The following KDELR2 variants were observed in gnomAD, a reference collection of about 807,000 sequenced individuals.
The protein encoded by KDELR2 is ER lumen protein-retaining receptor 2.
Under a neutral mutation model 23.9 loss-of-function variants are expected in KDELR2, and 15 were observed. The ratio of observed to expected loss-of-function variants is 0.63; its 90% CI spans 0.42 to 0.97. The LOEUF is 0.97. Among genes scored for constraint, KDELR2 ranks in the 50% least tolerant of loss-of-function variants. KDELR2 has a pLI of 0.00. For missense variants in KDELR2, 272 were observed against 254.6 expected (o/e 1.07, Z -0.46); for synonymous variants, 119 against 106.2 (o/e 1.12, Z -0.74).
At chr7:6,470,735 C>T (rs1162132116) in intron 2 of KDELR2, among the ~76,000 whole-genome samples, 1 of 152,004 alleles carries the variant, frequency 6.6e-6, no homozygotes, top group Non-Finnish European at 1.5e-5. Context: ...TGATTTAATC[C>T]GCCACCACTA....
intron 2 of KDELR2, among the ~76,000 whole-genome samples, chr7:6,472,897 CTTTTTTTT>C (rs35369447): frequency 3.6e-5 from 4 of 111,210 alleles, no homozygotes; most frequent in African/African-American, 1.0e-4. Context: ...AGCCCCTGTT[CTTTTTTTT>C]TTTTTTTTTT....
At chr7:6,481,936 G>A (rs1484562291) in intron 1 of KDELR2, among the ~76,000 whole-genome samples, 1 of 151,974 alleles carries the variant, frequency 6.6e-6, no homozygotes, top group Non-Finnish European at 1.5e-5. Flanking sequence ...CACCTCCACA[G>A]AATGGGAACA....
intron 4 of KDELR2, among the ~76,000 whole-genome samples, chr7:6,465,347 C>T (rs568941107): frequency 3.9e-4 from 59 of 151,936 alleles, no homozygotes; most frequent in Admixed American, 2.7e-3. Flanking sequence ...CCACGCCTGG[C>T]TAAGTTTTTT....
In KDELR2 at chr7:6,466,337, G is replaced by T; in HGVS notation, c.352-14C>A. Reference sequence around the variant, plus strand: ...GGTCCAGAGGATCTGGAAGAGAAATGGCAAGCTTCCATCACGACCCACTGC... The same window carrying T: ...GGTCCAGAGGATCTGGAAGAGAAATTGCAAGCTTCCATCACGACCCACTGC... On this transcript the variant is annotated splice_polypyrimidine_tract_variant and intron_variant, in intron 3 of 4. Coordinates refer to ENST00000258739, the MANE Select transcript of KDELR2 (RefSeq NM_006854.4). 6.2e-7 allele frequency: 1 copy of T among 1,611,454 alleles called. No homozygotes were observed. Among genetic ancestry groups the T allele is most frequent in the South Asian group, 1.1e-5 (1 of 90,952 alleles).
chr7:6,465,612 C>T (rs1201685743), intron 4 of KDELR2, among the ~76,000 whole-genome samples: 1 of 151,884 alleles, frequency 6.6e-6, no homozygotes, highest in African/African-American at 2.4e-5. Context: ...TGGATTTTAA[C>T]AGCAAACCAG....
At chr7:6,469,215 G>A (rs773653558) in intron 3 of KDELR2, among the ~76,000 whole-genome samples, 33 of 151,670 alleles carry the variant, frequency 2.2e-4, no homozygotes, top group African/African-American at 6.5e-4. Context: ...GCCTCCCAAA[G>A]TGCTGGAATT....
At chr7:6,480,223 G>A (rs763720977) in intron 1 of KDELR2, among the ~76,000 whole-genome samples, 8 of 152,188 alleles carry the variant, frequency 5.3e-5, no homozygotes, top group Non-Finnish European at 8.8e-5. Flanking sequence ...ACTACTAATA[G>A]ACACAGCACT....
At chr7:6,467,846 G>C (rs1283335726) in intron 3 of KDELR2, among the ~76,000 whole-genome samples, 1 of 152,172 alleles carries the variant, frequency 6.6e-6, no homozygotes, top group African/African-American at 2.4e-5. Context: ...ATGTGAAGCA[G>C]CACCGTTTGC....
At chr7:6,477,378 G>C (rs1785776189) in intron 1 of KDELR2, among the ~76,000 whole-genome samples, 1 of 152,158 alleles carries the variant, frequency 6.6e-6, no homozygotes, top group African/African-American at 2.4e-5. Flanking sequence ...AGACAGAAGG[G>C]GGTGGGGCAA....
chr7:6,466,786 A>G (rs769707245), intron 3 of KDELR2, among the ~76,000 whole-genome samples: 6 of 151,868 alleles, frequency 4.0e-5, no homozygotes, highest in Non-Finnish European at 8.8e-5. Context: ...CCTCAGATGC[A>G]CAGTTCACAA....
chr7:6,480,096 C>G (rs1305067805), intron 1 of KDELR2, among the ~76,000 whole-genome samples: 1 of 152,128 alleles, frequency 6.6e-6, no homozygotes. Context: ...ATCTAAGCAA[C>G]AGGGGAAGGA....
chr7:6,469,824 A>T, intron 2 of KDELR2, 70 bp from the exon 3 acceptor site: 1 of 1,355,932 alleles, frequency 7.4e-7, no homozygotes, highest in Non-Finnish European at 1.0e-6. Flanking sequence ...AGCTTTTTTA[A>T]TCACCCATGT....
intron 3 of KDELR2, 93 bp from the exon 4 acceptor site, chr7:6,466,416 A>C: frequency 2.0e-6 from 3 of 1,507,342 alleles, no homozygotes; most frequent in Non-Finnish European, 2.7e-6. Flanking sequence ...AAGCAGCCTA[A>C]GATGAGTGGG....
Position 6,463,132 on chromosome 7 carries a change from C to T in KDELR2, c.*9G>A, listed in dbSNP as rs1785424014. On this transcript the variant is annotated 3_prime_UTR_variant, in exon 5 of 5. Coordinates refer to ENST00000258739, the MANE Select transcript of KDELR2 (RefSeq NM_006854.4). ...CTGAAGGACAGATGCTGGTGATGGT[C>T]TTTGGCACTTATGCTGGCAAACTGA... 3.1e-6 allele frequency: 5 copies of T among 1,614,080 alleles called. No individual in the cohort carries two copies. The highest frequency in any genetic ancestry group is 4.2e-6 in the Non-Finnish European group (5 of 1,180,030).
intron 1 of KDELR2, among the ~76,000 whole-genome samples, chr7:6,478,977 G>A (rs1785820003): frequency 6.6e-6 from 1 of 151,878 alleles, no homozygotes; most frequent in Non-Finnish European, 1.5e-5. Context: ...TTTTAGTAGA[G>A]ATGGGTTTCA....
At chr7:6,483,172 G>A (rs1028694072) in intron 1 of KDELR2, among the ~76,000 whole-genome samples, 11 of 152,168 alleles carry the variant, frequency 7.2e-5, no homozygotes, top group Admixed American at 2.6e-4. Flanking sequence ...CACTGGTGAC[G>A]TGGAGCAACG....
intron 2 of KDELR2, 49 bp from the exon 3 acceptor site, chr7:6,469,803 C>G: frequency 6.8e-7 from 1 of 1,468,274 alleles, no homozygotes; most frequent in Non-Finnish European, 9.2e-7. Flanking sequence ...GCCACTGTTC[C>G]AGCACCCCCC....
intron 2 of KDELR2, chr7:6,473,939 A>C (rs559732898): frequency 7.1e-4 from 226 of 319,602 alleles, no homozygotes; most frequent in Non-Finnish European, 1.2e-3. Flanking sequence ...CCTAAAATAA[A>C]AAAGTTCTAA....
At chr7:6,482,939 G>C (rs1006140463) in intron 1 of KDELR2, among the ~76,000 whole-genome samples, 1 of 151,012 alleles carries the variant, frequency 6.6e-6, no homozygotes, top group Non-Finnish European at 1.5e-5. Context: ...AGGGGAGGTA[G>C]AGGCTGCAGT....
Sources: gnomAD v4.1 joint callset for allele counts (sites outside exome capture counted in the v4.1 genomes callset) on GRCh38, gnomAD v4.1.1 for gene constraint, MANE v1.5 for transcripts, NCBI Gene and HGNC (gene_info 2026-07-23, HGNC 2026-07-21) for gene names.